Variants in DPM1 observed in about 807,000 individuals in gnomAD.
DPM1 encodes dolichol-phosphate mannosyltransferase subunit 1.
DPM1 carries 27 observed loss-of-function variants against 39.0 expected under a neutral mutation model. The ratio of observed to expected loss-of-function variants is 0.69; its 90% CI spans 0.51 to 0.95. The LOEUF is 0.95. DPM1 is among the 40% of genes least tolerant of loss of function. DPM1 has a pLI of 0.00. For missense variants in DPM1, 307 were observed against 315.6 expected (o/e 0.97, Z 0.21); for synonymous variants, 124 against 109.0 (o/e 1.14, Z -0.86).
chr20:50,942,048 C>A lies in DPM1; in HGVS notation c.477G>T (p.Leu159Phe), dbSNP rs1470781231. Residue 159 changes from leucine to phenylalanine, a missense_variant, in exon 6 of 9, where the codon TTG becomes TTT. Physicochemically the swap from Leu to Phe is conservative, Grantham distance 22 (BLOSUM62 0). Around this residue, in one of 3 missense-constraint regions of DPM1, gnomAD observed 31 missense variants for 58.0 expected, o/e 0.53. Coordinates refer to ENST00000371588, the MANE Select transcript of DPM1 (RefSeq NM_003859.3). ...KGNGGVYGWD[L>F]KRKIISRGAN... ...GTACCTACCTGATTATTTTTCTTTT[C>A]AAATCCCAGCCATATACACCTCCAT... The A allele has an allele frequency of 2.5e-6, 4 of 1,613,838 alleles. No homozygotes were observed. In the African/African-American group the frequency reaches 5.3e-5, roughly 22 times the overall value.
intron 7 of DPM1, among the ~76,000 whole-genome samples, chr20:50,937,617 A>G (rs1449846308): frequency 6.6e-6 from 1 of 151,796 alleles, no homozygotes; most frequent in African/African-American, 2.4e-5. Flanking sequence ...ATATATTTGT[A>G]TTTTTGGAGA....
At chr20:50,948,749 T>G (rs1025779156) in intron 2 of DPM1, 87 bp from the exon 3 acceptor site, 2 of 1,206,574 alleles carry the variant, frequency 1.7e-6, no homozygotes, top group Non-Finnish European at 2.5e-6. Context: ...GCATACTCAC[T>G]TTAATAGAAA....
In DPM1 at chr20:50,958,420, T is replaced by C. The variant is rs2123155322; in HGVS notation, c.104A>G (p.Asn35Ser). The change falls in exon 1 of 9, where the codon AAC becomes AGC. Residue 35 changes from asparagine to serine, a missense_variant. By Grantham distance (46) the Asn-to-Ser change is conservative. This residue lies in a region of DPM1 where 206 missense variants were observed against 188.2 expected (regional missense o/e 1.09). Coordinates refer to ENST00000371588, the MANE Select transcript of DPM1 (RefSeq NM_003859.3). ...NKYSVLLPTY[N>S]ERENLPLIVW... is the part of the protein sequence containing the mutation. ...GATGAGCGGCAGGTTCTCGCGCTCG[T>C]TGTAGGTAGGTAAAAGCACCGAATA... 1 of 1,613,778 alleles carries C rather than the reference T, an allele frequency of 6.2e-7. No homozygotes were observed. The highest frequency in any genetic ancestry group is 8.5e-7 in the Non-Finnish European group (1 of 1,179,930).
intron 7 of DPM1, among the ~76,000 whole-genome samples, chr20:50,938,991 A>G (rs898545823): frequency 6.6e-6 from 1 of 151,542 alleles, no homozygotes; most frequent in Non-Finnish European, 1.5e-5. Context: ...CAGAAAAAAG[A>G]AAAAAAAATT....
chr20:50,946,925 T>C (rs1347825749), intron 3 of DPM1, among the ~76,000 whole-genome samples: 3 of 151,832 alleles, frequency 2.0e-5, no homozygotes, highest in East Asian at 1.9e-4. Flanking sequence ...ATACAAAAAA[T>C]TGGCCAGGCG....
Position 50,945,848 on chromosome 20 carries a change from T to C in DPM1, c.371A>G (p.His124Arg), listed in dbSNP as rs2123115725. Residue 124 changes from histidine to arginine, a missense_variant and splice_region_variant, in exon 4 of 9, where the codon CAT becomes CGT. By Grantham distance (29) the His-to-Arg change is conservative. This residue lies in a region of DPM1 where 206 missense variants were observed against 188.2 expected (regional missense o/e 1.09). Transcript: ENST00000371588. ...IIIMDADLSH[H>R]PKFIPEFIRK... is the part of the protein sequence containing the mutation. ...CTAATAAAGAAACATACCACTTACA[T>C]GGTGTGAGAGATCAGCATCCATAAT... is the stretch of plus-strand genomic sequence containing the variant. 1 of 1,613,440 alleles carries C rather than the reference T, an allele frequency of 6.2e-7. No homozygotes were observed. The highest frequency in any genetic ancestry group is 8.5e-7 in the Non-Finnish European group (1 of 1,179,480).
chr20:50,939,628 CT>C (rs959569739), intron 7 of DPM1, among the ~76,000 whole-genome samples: 5 of 142,700 alleles, frequency 3.5e-5, no homozygotes, highest in East Asian at 2.1e-4. Flanking sequence ...CAATGCCTGG[CT>C]TTTTTTTGAC....
intron 7 of DPM1, among the ~76,000 whole-genome samples, chr20:50,937,043 C>CTT (rs75516205): frequency 4.4e-4 from 62 of 140,406 alleles, no homozygotes; most frequent in Admixed American, 6.5e-4. Context: ...CAGAGTCACA[C>CTT]TTTTTTTTTT....
intron 6 of DPM1, among the ~76,000 whole-genome samples, chr20:50,941,663 T>A (rs1372966452): frequency 6.6e-6 from 1 of 151,904 alleles, no homozygotes; most frequent in Non-Finnish European, 1.5e-5. Context: ...AGTTAAGACT[T>A]TAACCCAGGT....
intron 3 of DPM1, 114 bp from the exon 4 acceptor site, chr20:50,946,037 C>T (rs1451490221): frequency 2.2e-6 from 2 of 895,180 alleles, no homozygotes; most frequent in East Asian, 2.5e-5. Context: ...CTCTAAAAGT[C>T]AGATTAATAA....
chr20:50,950,438 A>G (rs138791336), intron 2 of DPM1, among the ~76,000 whole-genome samples: 9 of 152,300 alleles, frequency 5.9e-5, no homozygotes, highest in Admixed American at 2.0e-4. Context: ...TCACAGCTAG[A>G]TTTTATTTGA....
chr20:50,948,645 C>A lies in DPM1; in HGVS notation c.279G>T (p.Glu93Asp). ...ACGACTTACCTAGTCCCAACTTTTT[C>A]TCTCGTGGTCTTAGAAGCTGTAGGA... ...GSDRILLRPR[E>D]KKLGLGTAYI... The change falls in exon 3 of 9, where the codon GAG (glutamate) becomes GAT (aspartate). Residue 93 changes from glutamate to aspartate, a missense_variant. Around this residue, in one of 3 missense-constraint regions of DPM1, gnomAD observed 206 missense variants for 188.2 expected, o/e 1.09. Transcript: ENST00000371588. 1 of 1,613,922 alleles carries A rather than the reference C, an allele frequency of 6.2e-7. No individual in the cohort carries two copies. The highest frequency in any genetic ancestry group is 2.2e-5 in the East Asian group (1 of 44,878).
chr20:50,956,627 G>T (rs1426032967), intron 1 of DPM1, among the ~76,000 whole-genome samples: 1 of 152,044 alleles, frequency 6.6e-6, no homozygotes, highest in Admixed American at 6.5e-5. Flanking sequence ...GTCAGCCCCA[G>T]CAAACTTTGA....
intron 8 of DPM1, 137 bp downstream of exon 8, chr20:50,936,011 G>C (rs894507127): frequency 3.0e-6 from 2 of 677,556 alleles, no homozygotes; most frequent in Non-Finnish European, 5.3e-6. Flanking sequence ...TTTACCCTTT[G>C]TGCATGAATA....
intron 7 of DPM1, among the ~76,000 whole-genome samples, chr20:50,938,848 G>A (rs974023251): frequency 3.3e-5 from 5 of 151,178 alleles, no homozygotes; most frequent in African/African-American, 7.3e-5. Context: ...GCATGGTGGC[G>A]CACGCCTGTA....
chr20:50,936,133 G>C lies in DPM1; in HGVS notation c.678+15C>G, dbSNP rs2123061176. ...TACCAGGAACATGACACACTATTTA[G>C]CATCAGTTGCATACCTCGCCAATAG... On this transcript the variant is annotated intron_variant, in intron 8 of 8. Transcript: ENST00000371588. The C allele has an allele frequency of 6.5e-7, 1 of 1,544,268 alleles. No individual in the cohort carries two copies. The highest frequency in any genetic ancestry group is 9.0e-7 in the Non-Finnish European group (1 of 1,116,566).
chr20:50,957,723 G>A (rs1434276262), intron 1 of DPM1, among the ~76,000 whole-genome samples: 1 of 152,196 alleles, frequency 6.6e-6, no homozygotes, highest in East Asian at 1.9e-4. Context: ...GATCCCATTT[G>A]TGCAATCGTA....
chr20:50,949,689 A>C (rs1986477793), intron 2 of DPM1, among the ~76,000 whole-genome samples: 1 of 152,026 alleles, frequency 6.6e-6, no homozygotes, highest in Admixed American at 6.6e-5. Flanking sequence ...GTCCCCTTCT[A>C]CACTTGCCAG....
At chr20:50,938,105 A>G (rs189804356) in intron 7 of DPM1, among the ~76,000 whole-genome samples, 11 of 152,292 alleles carry the variant, frequency 7.2e-5, no homozygotes, top group African/African-American at 2.6e-4. Context: ...CCCCATCCAC[A>G]TGGTAACTTT....
Sources: gnomAD v4.1 joint callset for allele counts (sites outside exome capture counted in the v4.1 genomes callset) on GRCh38, gnomAD v4.1.1 for gene constraint, gnomAD v4.1.1 regional missense constraint, MANE v1.5 for transcripts, NCBI Gene and HGNC (gene_info 2026-07-23, HGNC 2026-07-21) for gene names.